The following ARHGAP39 variants were observed in gnomAD, a reference collection of about 807,000 sequenced individuals.
ARHGAP39 encodes the protein rho GTPase-activating protein 39.
Under a neutral mutation model 106.9 loss-of-function variants are expected in ARHGAP39, and 44 were observed. That is an observed-to-expected ratio of 0.41 (90% CI 0.32 to 0.53). ARHGAP39 has a LOEUF of 0.53. ARHGAP39 is among the 20% of genes least tolerant of loss of function. The probability of loss-of-function intolerance (pLI) is 0.21; values close to 1 mark genes in which losing one functional copy is unlikely to be tolerated. For synonymous variants in ARHGAP39, 768 were observed against 693.2 expected, an observed-to-expected ratio of 1.11 and a Z score of -1.69; for missense variants, 1,496 against 1,577.3, an observed-to-expected ratio of 0.95 and a Z score of 0.87.
At chr8:144,581,387 C>T in intron 2 of ARHGAP39, 110 bp from the exon 3 acceptor site, 1 of 1,243,274 alleles carries the variant, frequency 8.0e-7, no homozygotes, top group Non-Finnish European at 1.1e-6. Context: ...GAAATCCTGT[C>T]ATAGAGGAAA....
At chr8:144,619,640 G>A (rs557046887) in intron 1 of ARHGAP39, among the ~76,000 whole-genome samples, 25 of 150,246 alleles carry the variant, frequency 1.7e-4, no homozygotes, top group Admixed American at 1.1e-3. Context: ...GTCCAAGAGC[G>A]TGTGTCCGTG....
At chr8:144,532,944 T>C (rs1816787933) in intron 9 of ARHGAP39, among the ~76,000 whole-genome samples, 182 bp downstream of exon 9, 1 of 152,196 alleles carries the variant, frequency 6.6e-6, no homozygotes, top group African/African-American at 2.4e-5. Flanking sequence ...CTGCCCTCTC[T>C]CCTGGCCTGC....
Position 144,547,501 on chromosome 8 carries a change from A to C in ARHGAP39, c.1585T>G (p.Cys529Gly). The change falls in exon 5 of 12, where the codon TGC (cysteine) becomes GGC (glycine). Residue 529 changes from cysteine to glycine, a missense_variant. Physicochemically the swap from Cys to Gly is radical, Grantham distance 159 (BLOSUM62 -3). Transcript: ENST00000377307. The surrounding 1 kb of genome is among the most constrained non-coding windows in gnomAD (Gnocchi z 5.2). ...TTCACGGGGGCGAGGCTGGTCCCGC[A>C]CGGGGGCTGTTCCTCGGCCAGGGGC... Reference protein sequence around the residue: ...EQPLAEEQPPCGTSLAPVKRA... With the variant: ...EQPLAEEQPPGGTSLAPVKRA... The C allele has an allele frequency of 6.6e-7, 1 of 1,505,682 alleles. No homozygotes were observed. The highest frequency in any genetic ancestry group is 8.8e-7 in the Non-Finnish European group (1 of 1,131,098). The allele number at this position is 1,505,682 out of a possible 1,614,324, so 93.3% of individuals were successfully genotyped here.
chr8:144,614,921 C>T (rs1181067904), intron 1 of ARHGAP39, among the ~76,000 whole-genome samples: 1 of 152,208 alleles, frequency 6.6e-6, no homozygotes, highest in African/African-American at 2.4e-5. Flanking sequence ...TCCCTCTAAT[C>T]CTTCCTGTTC....
At chr8:144,574,970 A>G (rs1415867487) in intron 3 of ARHGAP39, among the ~76,000 whole-genome samples, 1 of 152,238 alleles carries the variant, frequency 6.6e-6, no homozygotes, top group Non-Finnish European at 1.5e-5. Flanking sequence ...GGCCTGCTAC[A>G]CACCCAGGCT....
In ARHGAP39 at chr8:144,591,288, C is replaced by T. The variant is rs904484075; in HGVS notation, c.81-10011G>A. ...AGGGGAGGGTGGCGCGTGTGAGGAG[C>T]ACCTGCTGGGACATTGAAAAGGACA... On this transcript the variant is annotated intron_variant, in intron 2 of 11. Transcript: ENST00000377307. This position sits in a 1 kb window ranked among gnomAD's most constrained non-coding sequence, Gnocchi z 5.3. Among the ~76,000 whole-genome samples, 17 of 152,188 alleles carry T rather than the reference C, an allele frequency of 1.1e-4. No individual in the cohort carries two copies. Among genetic ancestry groups the T allele is most frequent in the African/African-American group, 3.9e-4 (16 of 41,426 alleles).
chr8:144,530,096 G>A lies in ARHGAP39; in HGVS notation c.*326C>T. ...GCAGGAGCCACAGGGAGGCAGCCCG[G>A]CCCCAAGGAGGCAGCGTCGCTCGGC... On this transcript the variant is annotated 3_prime_UTR_variant, in exon 12 of 12. Coordinates refer to ENST00000377307, the MANE Select transcript of ARHGAP39 (RefSeq NM_025251.3). 3.1e-6 allele frequency: 1 copy of A among 326,590 alleles called. No homozygotes were observed. The highest frequency in any genetic ancestry group is 6.4e-5 in the East Asian group (1 of 15,678). 20.2% of individuals were successfully genotyped at this position (326,590 alleles called of 1,614,324 possible).
intron 1 of ARHGAP39, among the ~76,000 whole-genome samples, chr8:144,637,367 T>C (rs911096517): frequency 1.3e-5 from 2 of 152,220 alleles, no homozygotes; most frequent in Admixed American, 6.5e-5. Flanking sequence ...ATCCCAGCAC[T>C]TTGGGAGGCT....
chr8:144,589,359 G>A (rs543047507), intron 2 of ARHGAP39, among the ~76,000 whole-genome samples: 2 of 152,358 alleles, frequency 1.3e-5, no homozygotes, highest in South Asian at 4.1e-4. Context: ...TCCCGGCAGG[G>A]CCTACCCTGG....
Position 144,591,709 on chromosome 8 carries a change from TG to T in ARHGAP39, c.81-10433del, listed in dbSNP as rs1819405645. 6.6e-6 allele frequency among the ~76,000 whole-genome samples: 1 copy of T among 152,134 alleles called. No homozygotes were observed. Among genetic ancestry groups the T allele is most frequent in the African/African-American group, 2.4e-5 (1 of 41,434 alleles). ...CTGGAGGGCGGGGCTGTGTCAGGTCTGGGGTCAGAACTCAGGACGCACACCA... is the reference window on the plus strand; with the variant it reads ...CTGGAGGGCGGGGCTGTGTCAGGTCTGGGTCAGAACTCAGGACGCACACCA... On this transcript the variant is annotated intron_variant, in intron 2 of 11. Coordinates refer to ENST00000377307, the MANE Select transcript of ARHGAP39 (RefSeq NM_025251.3). This position sits in a 1 kb window ranked among gnomAD's most constrained non-coding sequence, Gnocchi z 5.3.
At chr8:144,610,711 CA>C (rs113580432) in intron 1 of ARHGAP39, among the ~76,000 whole-genome samples, 38 of 144,252 alleles carry the variant, frequency 2.6e-4, no homozygotes, top group East Asian at 1.0e-3. Flanking sequence ...GACTCCGTCT[CA>C]AAAAAAAAAA....
chr8:144,583,420 TCGGCA>T (rs1381086531), intron 2 of ARHGAP39, among the ~76,000 whole-genome samples: 1 of 152,186 alleles, frequency 6.6e-6, no homozygotes, highest in East Asian at 1.9e-4. Context: ...AGACAACTGC[TCGGCA>T]CGTGGAGGCA....
intron 4 of ARHGAP39, among the ~76,000 whole-genome samples, chr8:144,554,043 G>T (rs11994208): frequency 0.065 from 9,884 of 152,338 alleles, 1,094 homozygotes; most frequent in African/African-American, 0.23. Flanking sequence ...GGGATCTTCA[G>T]CAGGCTGAAT....
At chr8:144,603,432 T>A (rs1820156875) in intron 2 of ARHGAP39, among the ~76,000 whole-genome samples, 1 of 152,158 alleles carries the variant, frequency 6.6e-6, no homozygotes, top group African/African-American at 2.4e-5. Flanking sequence ...AGCACACATC[T>A]GTCATCCCAG....
chr8:144,596,626 G>A (rs890374760), intron 2 of ARHGAP39, among the ~76,000 whole-genome samples: 2 of 152,204 alleles, frequency 1.3e-5, no homozygotes, highest in Admixed American at 1.3e-4. Flanking sequence ...CGGTGAGCAC[G>A]TGGGGGAGGA....
At chr8:144,610,893 T>C (rs1397399003) in intron 1 of ARHGAP39, among the ~76,000 whole-genome samples, 8 of 152,242 alleles carry the variant, frequency 5.3e-5, no homozygotes, top group Middle Eastern at 3.4e-3. Flanking sequence ...CTTGGCTTGC[T>C]GCAACCTCCA....
rs142185001 is a variant in ARHGAP39, at chr8:144,648,189, A to G, written c.-82+37497T>C. ...GCCCCAGCTGCTCCTCCAGGGCCCC[A>G]GCTGCTCTGATTTCCCCAGCAGAAG... is the stretch of plus-strand genomic sequence containing the variant. On this transcript the variant is annotated intron_variant, in intron 1 of 11. Coordinates refer to ENST00000377307, the MANE Select transcript of ARHGAP39 (RefSeq NM_025251.3). Among the ~76,000 whole-genome samples the G allele has an allele frequency of 8.8e-3, 1,345 of 152,236 alleles. 17 individuals carry two copies. The highest frequency in any genetic ancestry group is 0.031 in the African/African-American group (1,298 of 41,546).
At chr8:144,531,127 T>G (rs2721171) in intron 10 of ARHGAP39, among the ~76,000 whole-genome samples, 12,598 of 150,266 alleles carry the variant, frequency 0.084, 1,807 homozygotes, top group African/African-American at 0.29. Flanking sequence ...TTCTCAGGAG[T>G]CGTCTGTGTA....
intron 2 of ARHGAP39, among the ~76,000 whole-genome samples, chr8:144,601,950 C>T (rs1487705782): frequency 5.2e-5 from 7 of 133,626 alleles, no homozygotes; most frequent in African/African-American, 1.8e-4. Flanking sequence ...CGTGCGAGCT[C>T]GTGTACCTGT....
Sources: gnomAD v4.1 joint callset for allele counts (sites outside exome capture counted in the v4.1 genomes callset) on GRCh38, gnomAD v4.1.1 for gene constraint, Gnocchi (gnomAD v3.1) non-coding constraint, MANE v1.5 for transcripts, NCBI Gene and HGNC (gene_info 2026-07-23, HGNC 2026-07-21) for gene names.